TRPS1: variants seen among roughly 807,000 people sequenced by gnomAD.
TRPS1 encodes zinc finger transcription factor Trps1.
In TRPS1, 6 loss-of-function variants were observed where a neutral mutation model predicts 101.2. That is an observed-to-expected ratio of 0.06 (90% confidence interval 0.03 to 0.12). The LOEUF is 0.12. Ranked by LOEUF, TRPS1 falls within the 10% of genes least tolerant of loss-of-function variation. The probability of loss-of-function intolerance (pLI) is 1.00; values close to 1 mark genes in which losing one functional copy is unlikely to be tolerated. For synonymous variants in TRPS1, 578 were observed against 589.8 expected (o/e 0.98, Z 0.29); for missense variants, 1,363 against 1,567.0 (o/e 0.87, Z 2.20).
At chr8:115,473,149 T>C (rs927707810) in intron 5 of TRPS1, among the ~76,000 whole-genome samples, 24 of 152,154 alleles carry the variant, frequency 1.6e-4, no homozygotes, top group Admixed American at 5.9e-4. Flanking sequence ...TCCATTCTCA[T>C]ATTGTTATAA....
intron 5 of TRPS1, among the ~76,000 whole-genome samples, chr8:115,584,195 T>G (rs1817514943): frequency 1.3e-5 from 2 of 151,990 alleles, no homozygotes; most frequent in South Asian, 2.1e-4. Context: ...GTTGGGCAAG[T>G]TTTCCATACT....
intron 1 of TRPS1, among the ~76,000 whole-genome samples, chr8:115,627,955 A>C (rs1409232636): frequency 6.6e-6 from 1 of 151,802 alleles, no homozygotes; most frequent in Non-Finnish European, 1.5e-5. Context: ...TAAGCCAAGT[A>C]TATTCAGTAA....
intron 1 of TRPS1, among the ~76,000 whole-genome samples, chr8:115,662,036 G>A (rs1427908505): frequency 6.6e-6 from 1 of 151,970 alleles, no homozygotes. Context: ...CTTGCACTAT[G>A]CTGATGTGAA....
intron 5 of TRPS1, among the ~76,000 whole-genome samples, chr8:115,472,004 GC>G (rs1814482837): frequency 6.6e-6 from 1 of 152,166 alleles, no homozygotes; most frequent in Non-Finnish European, 1.5e-5. Flanking sequence ...GTTTTTCTAG[GC>G]AACTGGTGCA....
At chr8:115,603,736 T>A in intron 4 of TRPS1, 137 bp downstream of exon 4, 1 of 1,031,170 alleles carries the variant, frequency 9.7e-7, no homozygotes, top group South Asian at 1.6e-5. Context: ...TGTGATGAAC[T>A]TTTATGTGGT....
chr8:115,462,107 T>C (rs749285330), intron 5 of TRPS1, among the ~76,000 whole-genome samples: 1 of 152,134 alleles, frequency 6.6e-6, no homozygotes, highest in Non-Finnish European at 1.5e-5. Flanking sequence ...ATGAATGAAA[T>C]TCATAATGAA....
intron 5 of TRPS1, among the ~76,000 whole-genome samples, chr8:115,425,865 T>A (rs1307232708): frequency 1.3e-5 from 2 of 152,244 alleles, no homozygotes; most frequent in Non-Finnish European, 2.9e-5. Context: ...CCCTGTGTCA[T>A]AATGAAATTA....
At chr8:115,440,818 T>C (rs745786920) in intron 5 of TRPS1, among the ~76,000 whole-genome samples, 9 of 152,244 alleles carry the variant, frequency 5.9e-5, no homozygotes, top group Non-Finnish European at 1.2e-4. Flanking sequence ...TAGATAGTAC[T>C]GTCATTTTGT....
intron 5 of TRPS1, among the ~76,000 whole-genome samples, chr8:115,474,409 A>G (rs1327894300): frequency 6.6e-6 from 1 of 152,148 alleles, no homozygotes; most frequent in Non-Finnish European, 1.5e-5. Context: ...GGATAAAATA[A>G]AAGGGTAAAT....
intron 5 of TRPS1, among the ~76,000 whole-genome samples, chr8:115,525,507 A>T (rs1399423512): frequency 6.6e-6 from 1 of 152,100 alleles, no homozygotes; most frequent in African/African-American, 2.4e-5. Context: ...CAGCAGAAAA[A>T]AGCAACAGGA....
intron 2 of TRPS1, among the ~76,000 whole-genome samples, chr8:115,623,218 T>C (rs556942752): frequency 3.3e-5 from 5 of 152,206 alleles, no homozygotes; most frequent in Admixed American, 3.3e-4. Context: ...ACTGTTAAAC[T>C]GCTAAAACTT....
At chr8:115,528,960 A>G (rs989065046) in intron 5 of TRPS1, among the ~76,000 whole-genome samples, 1 of 152,120 alleles carries the variant, frequency 6.6e-6, no homozygotes, top group African/African-American at 2.4e-5. Flanking sequence ...AACAAGGTAC[A>G]CAATGGTTAC....
At position 115,411,640 on chromosome 8, in the gene TRPS1, A is replaced by C. The variant is rs1437502206; in HGVS notation, c.*2383T>G. The C allele has an allele frequency of 6.6e-6, 1 of 152,546 alleles. No individual in the cohort carries two copies. The highest frequency in any genetic ancestry group is 2.4e-5 in the African/African-American group (1 of 41,448). The allele number at this position is 152,546 out of a possible 1,614,324, so 9.4% of individuals were successfully genotyped here. A position where few individuals can be genotyped will look rare whatever the true frequency, so the allele number is the denominator to read the frequency against. ...TCCTAAGGAAGATAAATTACATCAC[A>C]TAATTTGAATGTCAAAGCTCCTCAT... On this transcript the variant is annotated 3_prime_UTR_variant, in exon 7 of 7. Coordinates refer to ENST00000395715, the MANE Select transcript of TRPS1 (RefSeq NM_014112.5).
Position 115,619,466 on chromosome 8 carries a change from T to C in TRPS1, c.632A>G (p.Asn211Ser). 1 of 1,614,192 alleles carries C rather than the reference T, an allele frequency of 6.2e-7. No individual in the cohort carries two copies. The highest frequency in any genetic ancestry group is 8.5e-7 in the Non-Finnish European group (1 of 1,180,030). ...QVPSDGGVRL[N>S]KSKTDLLVND... ...CACCAGTAAGTCAGTTTTGGATTTA[T>C]TCAGTCTTACACCCCCATCTGAAGG... Residue 211 changes from asparagine to serine, a missense_variant, in exon 3 of 7, where the codon AAT (asparagine) becomes AGT (serine). By Grantham distance (46) the Asn-to-Ser change is conservative. Transcript: ENST00000395715.
intron 5 of TRPS1, among the ~76,000 whole-genome samples, chr8:115,437,533 C>A (rs772172513): frequency 1.3e-5 from 2 of 152,118 alleles, no homozygotes; most frequent in Non-Finnish European, 2.9e-5. Flanking sequence ...TATCCTGGGT[C>A]AAATATCAAA....
chr8:115,598,808 A>C (rs1439998694), intron 4 of TRPS1, among the ~76,000 whole-genome samples: 1 of 152,142 alleles, frequency 6.6e-6, no homozygotes, highest in Non-Finnish European at 1.5e-5. Context: ...TCCAGTTTCC[A>C]TTGTTGCTAA....
intron 5 of TRPS1, among the ~76,000 whole-genome samples, chr8:115,472,980 A>G (rs965759176): frequency 6.6e-6 from 1 of 152,196 alleles, no homozygotes; most frequent in Non-Finnish European, 1.5e-5. Flanking sequence ...CCATTCAACA[A>G]GTCTCTAGGA....
At chr8:115,535,295 GCATATATAT>G (rs1214020242) in intron 5 of TRPS1, among the ~76,000 whole-genome samples, 3 of 139,768 alleles carry the variant, frequency 2.1e-5, no homozygotes, top group Non-Finnish European at 4.7e-5. Flanking sequence ...CATATATATA[GCATATATAT>G]AGCATATATA....
chr8:115,450,516 C>CT (rs751319335), intron 5 of TRPS1, among the ~76,000 whole-genome samples: 34 of 151,574 alleles, frequency 2.2e-4, no homozygotes, highest in East Asian at 3.9e-4. Context: ...TGCGCTGACT[C>CT]TTTTTTTAAA....
Sources: allele counts gnomAD v4.1 joint callset (sites outside exome capture counted in the v4.1 genomes callset), GRCh38; gene constraint gnomAD v4.1.1; transcripts MANE v1.5; gene names NCBI Gene and HGNC (gene_info 2026-07-23, HGNC 2026-07-21).